Variants in ATP6V0D2 observed in about 807,000 individuals in gnomAD.
ATP6V0D2 encodes V-type proton ATPase subunit d 2.
ATP6V0D2 carries 40 observed loss-of-function variants against 40.0 expected under a neutral mutation model. The ratio of observed to expected loss-of-function variants is 1.00; its 90% CI spans 0.78 to 1.30. ATP6V0D2 has a LOEUF of 1.30. Ranked by LOEUF, ATP6V0D2 falls within the 50% of genes most tolerant of loss-of-function variation. The pLI is 0.00. For missense variants in ATP6V0D2, 470 were observed against 423.1 expected (o/e 1.11, Z -0.97); for synonymous variants, 179 against 156.3 (o/e 1.15, Z -1.08).
chr8:86,135,536 A>G (rs11775865), intron 2 of ATP6V0D2, among the ~76,000 whole-genome samples: 20,961 of 152,198 alleles, frequency 0.14, 1,627 homozygotes, highest in Non-Finnish European at 0.18. Context: ...TTCCTTAATA[A>G]TGGTTCTTAC....
At chr8:86,099,873 T>A (rs1379256085) in intron 1 of ATP6V0D2, among the ~76,000 whole-genome samples, 1 of 152,244 alleles carries the variant, frequency 6.6e-6, no homozygotes, top group Non-Finnish European at 1.5e-5. Flanking sequence ...TGTATTTTCA[T>A]TCTACATATT....
chr8:86,146,373 G>GTGTT (rs990944376), intron 5 of ATP6V0D2, among the ~76,000 whole-genome samples: 19 of 152,224 alleles, frequency 1.2e-4, no homozygotes, highest in South Asian at 4.2e-4. Flanking sequence ...GATGAGATTA[G>GTGTT]TGTTTGTTTG....
intron 1 of ATP6V0D2, among the ~76,000 whole-genome samples, chr8:86,102,323 G>T (rs1241453074): frequency 8.3e-6 from 1 of 119,970 alleles, no homozygotes; most frequent in East Asian, 2.7e-4. Flanking sequence ...ATTCAGAGCT[G>T]AGAAGAAATC....
chr8:86,152,924 T>C lies in ATP6V0D2; in HGVS notation c.1000T>C (p.Cys334Arg). Residue 334 changes from cysteine to arginine, a missense_variant, in exon 8 of 8, where the codon TGT becomes CGT. Physicochemically the swap from Cys to Arg is radical, Grantham distance 180. Coordinates refer to ENST00000285393, the MANE Select transcript of ATP6V0D2 (RefSeq NM_152565.1). Reference protein sequence around the residue: ...EIRNIVWIAECISQRHRTKIN... With the variant: ...EIRNIVWIAERISQRHRTKIN... ...TAGAAATATTGTGTGGATAGCAGAA[T>C]GTATTTCACAGAGGCATCGAACTAA... The C allele has an allele frequency of 1.2e-6, 2 of 1,612,070 alleles. No individual in the cohort carries two copies. The highest frequency in any genetic ancestry group is 1.7e-6 in the Non-Finnish European group (2 of 1,179,246).
chr8:86,153,083 C>A lies in ATP6V0D2; in HGVS notation c.*106C>A. On this transcript the variant is annotated 3_prime_UTR_variant, in exon 8 of 8. Transcript: ENST00000285393. Reference sequence around the variant, plus strand: ...TTATCTAGACTACACAAAAGTAAGCCACACTATATCTTCATGAGTTGCAAA... The same window carrying A: ...TTATCTAGACTACACAAAAGTAAGCAACACTATATCTTCATGAGTTGCAAA... The A allele has an allele frequency of 1.1e-6, 1 of 927,974 alleles. No individual in the cohort carries two copies. Among genetic ancestry groups the A allele is most frequent in the Non-Finnish European group, 1.5e-6 (1 of 660,414 alleles). The allele number at this position is 927,974 out of a possible 1,614,324, so 57.5% of individuals were successfully genotyped here.
At position 86,099,149 on chromosome 8, in the gene ATP6V0D2, A is replaced by T. The variant is rs761689322; in HGVS notation, c.130+41A>T. The T allele has an allele frequency of 3.8e-6, 6 of 1,558,940 alleles. No individual in the cohort carries two copies. The Admixed American group carries it at 1.2e-4, about 32-fold the overall frequency. On this transcript the variant is annotated intron_variant, in intron 1 of 7. Coordinates refer to ENST00000285393, the MANE Select transcript of ATP6V0D2 (RefSeq NM_152565.1). ...CTCACCCTTTAAAAAGAAAAAAAAA[A>T]AAATGAAATGATGTCCCTCTCCAGA...
chr8:86,145,251 GAGAGAGAAAGAA>G (rs1264986379), intron 5 of ATP6V0D2, among the ~76,000 whole-genome samples: 10 of 39,680 alleles, frequency 2.5e-4, no homozygotes. Context: ...GAGAGAGAGA[GAGAGAGAAAGAA>G]AGAAAGAAAG....
chr8:86,142,868 C>G lies in ATP6V0D2; in HGVS notation c.562-9C>G. 1.9e-6 allele frequency: 3 copies of G among 1,557,776 alleles called. No homozygotes were observed. The highest frequency in any genetic ancestry group is 1.8e-6 in the Non-Finnish European group (2 of 1,136,992). The stretch of plus-strand genomic sequence containing the variant: ...ATTATATCACTTTATGATCTTTTTT[C>G]TTTTTAAGTCTTACCTTGAGGCATT... On this transcript the variant is annotated splice_polypyrimidine_tract_variant and intron_variant, in intron 4 of 7. Coordinates refer to ENST00000285393, the MANE Select transcript of ATP6V0D2 (RefSeq NM_152565.1).
At chr8:86,120,566 A>T (rs751193759) in intron 2 of ATP6V0D2, among the ~76,000 whole-genome samples, 3 of 152,138 alleles carry the variant, frequency 2.0e-5, no homozygotes, top group Admixed American at 6.5e-5. Context: ...TTAAATAAAT[A>T]AATTAAAAAA....
chr8:86,148,562 G>A (rs888116795), intron 5 of ATP6V0D2, among the ~76,000 whole-genome samples: 1 of 152,292 alleles, frequency 6.6e-6, no homozygotes, highest in South Asian at 2.1e-4. Context: ...CTATGAAAAT[G>A]CAGATTCTGG....
chr8:86,104,957 A>G (rs1015921652), intron 1 of ATP6V0D2, among the ~76,000 whole-genome samples: 9 of 152,090 alleles, frequency 5.9e-5, no homozygotes, highest in Admixed American at 1.3e-4. Context: ...CCTTCGTCAG[A>G]ATGTTTTGCC....
chr8:86,148,802 G>C (rs901422198), intron 5 of ATP6V0D2, among the ~76,000 whole-genome samples: 18 of 152,026 alleles, frequency 1.2e-4, no homozygotes, highest in African/African-American at 4.3e-4. Flanking sequence ...GCTGGGCGTG[G>C]TGGCTCATGC....
At chr8:86,133,849 G>A (rs1818861680) in intron 2 of ATP6V0D2, among the ~76,000 whole-genome samples, 1 of 151,952 alleles carries the variant, frequency 6.6e-6, no homozygotes, top group Non-Finnish European at 1.5e-5. Flanking sequence ...CACACACAGA[G>A]TAGTAATAAA....
In ATP6V0D2 at chr8:86,148,606, C is replaced by T. The variant is rs575646070; in HGVS notation, c.640-1506C>T. Among the ~76,000 whole-genome samples the T allele has an allele frequency of 7.9e-5, 12 of 152,260 alleles. 1 individual carries two copies. In the South Asian group the frequency reaches 2.5e-3, roughly 32 times the overall value. On this transcript the variant is annotated intron_variant, in intron 5 of 7. Transcript: ENST00000285393. ...GGTTGGACTGCGGCCTGAGACTCTG[C>T]ACTTCTAATGAGTTTCCAGGTGACG...
At chr8:86,101,288 G>A (rs989383113) in intron 1 of ATP6V0D2, among the ~76,000 whole-genome samples, 2 of 151,714 alleles carry the variant, frequency 1.3e-5, no homozygotes, top group African/African-American at 2.4e-5. Flanking sequence ...GCAAGACCTC[G>A]TCTCTACTAA....
chr8:86,140,594 A>G (rs1015634346), intron 3 of ATP6V0D2, among the ~76,000 whole-genome samples: 1 of 152,222 alleles, frequency 6.6e-6, no homozygotes, highest in African/African-American at 2.4e-5. Context: ...CAAATAATAA[A>G]TATTATTATT....
intron 5 of ATP6V0D2, among the ~76,000 whole-genome samples, chr8:86,149,515 C>T (rs1370226899): frequency 2.6e-5 from 4 of 152,058 alleles, no homozygotes; most frequent in East Asian, 1.9e-4. Context: ...GATGATTTGC[C>T]CTAACCCACA....
At chr8:86,152,197 G>T (rs1206448322) in intron 7 of ATP6V0D2, among the ~76,000 whole-genome samples, 1 of 151,950 alleles carries the variant, frequency 6.6e-6, no homozygotes, top group Admixed American at 6.6e-5. Context: ...TCCTGTGTTA[G>T]TTTGCTGAGA....
At chr8:86,136,561 C>T (rs1818900294) in intron 2 of ATP6V0D2, among the ~76,000 whole-genome samples, 1 of 152,108 alleles carries the variant, frequency 6.6e-6, no homozygotes, top group Admixed American at 6.5e-5. Flanking sequence ...AAAAAGGATT[C>T]TAAAATTCCA....
Sources: allele counts gnomAD v4.1 joint callset (sites outside exome capture counted in the v4.1 genomes callset), GRCh38; gene constraint gnomAD v4.1.1; transcripts MANE v1.5; gene names NCBI Gene and HGNC (gene_info 2026-07-23, HGNC 2026-07-21).